The following GNAL variants were observed in gnomAD, a reference collection of about 807,000 sequenced individuals.
GNAL encodes the protein G protein subunit alpha L.
A neutral mutation model predicts 55.1 loss-of-function variants in GNAL; 18 were observed. The observed-to-expected ratio is 0.33, with a 90% CI of 0.23 to 0.48. GNAL has a LOEUF of 0.48. GNAL is among the 20% of genes least tolerant of loss of function. The probability of loss-of-function intolerance (pLI) is 0.99; values close to 1 mark genes in which losing one functional copy is unlikely to be tolerated. For synonymous variants in GNAL, 253 were observed against 237.0 expected (o/e 1.07, Z -0.62); for missense variants, 412 against 614.1 (o/e 0.67, Z 3.48).
At chr18:11,702,676 A>T (rs78968524) in intron 1 of GNAL, among the ~76,000 whole-genome samples, 1 of 152,150 alleles carries the variant, frequency 6.6e-6, no homozygotes, top group East Asian at 1.9e-4. Flanking sequence ...CCTGTGCGGG[A>T]GACAAAGGTA....
chr18:11,716,302 G>A (rs553157125), intron 1 of GNAL, among the ~76,000 whole-genome samples: 63 of 152,108 alleles, frequency 4.1e-4, no homozygotes, highest in African/African-American at 1.3e-3. Flanking sequence ...TCTGACGTTC[G>A]GATGTGTTCA....
rs146159444 is a variant in GNAL, at chr18:11,829,736, G to A, written c.722+4721G>A. ...TAAAGTCAGCGCTCAGTCAACGGGCGCAGTAGCTCACGCCTGTAATCCCAG... is the reference window on the plus strand; with the variant it reads ...TAAAGTCAGCGCTCAGTCAACGGGCACAGTAGCTCACGCCTGTAATCCCAG... On this transcript the variant is annotated intron_variant, in intron 5 of 11. Coordinates refer to ENST00000334049, the MANE Select transcript of GNAL (RefSeq NM_182978.4). Among the ~76,000 whole-genome samples, 21 of 152,322 alleles carry A rather than the reference G, an allele frequency of 1.4e-4. No individual in the cohort carries two copies. The East Asian group carries it at 3.3e-3, about 24-fold the overall frequency.
chr18:11,772,854 C>A (rs939890035), intron 4 of GNAL, among the ~76,000 whole-genome samples: 2 of 152,198 alleles, frequency 1.3e-5, no homozygotes, highest in Non-Finnish European at 2.9e-5. Context: ...CAGTTTCTTA[C>A]GGTTCAACCC....
chr18:11,854,948 G>A (rs564010493), intron 5 of GNAL, among the ~76,000 whole-genome samples: 7 of 152,130 alleles, frequency 4.6e-5, no homozygotes, highest in African/African-American at 9.6e-5. Context: ...GTTTTGAGAC[G>A]GAGTCTCACT....
intron 7 of GNAL, among the ~76,000 whole-genome samples, chr18:11,865,774 AAAGCATCC>A: frequency 6.8e-6 from 1 of 147,464 alleles, no homozygotes; most frequent in Non-Finnish European, 1.5e-5. Flanking sequence ...AAAAAAAAAA[AAAGCATCC>A]AAGCATCCCT....
Position 11,752,781 on chromosome 18 carries a change from G to T in GNAL, c.377-72G>T. Reference sequence around the variant, plus strand: ...CGTGCTGGGGGAGGAGGATTGCTCAGACCCGGCTAGTGGTGAGAGATGGCA... The same window carrying T: ...CGTGCTGGGGGAGGAGGATTGCTCATACCCGGCTAGTGGTGAGAGATGGCA... On this transcript the variant is annotated intron_variant, in intron 1 of 11. Transcript: ENST00000334049. The surrounding 1 kb of genome is among the most constrained non-coding windows in gnomAD (Gnocchi z 4.5). 1 of 1,226,422 alleles carries T rather than the reference G, an allele frequency of 8.2e-7. No individual in the cohort carries two copies. Among genetic ancestry groups the T allele is most frequent in the African/African-American group, 1.5e-5 (1 of 67,606 alleles). 76.0% of individuals were successfully genotyped at this position (1,226,422 alleles called of 1,614,324 possible).
At chr18:11,812,768 T>C (rs2034850282) in intron 4 of GNAL, among the ~76,000 whole-genome samples, 3 of 151,072 alleles carry the variant, frequency 2.0e-5, no homozygotes, top group Admixed American at 2.0e-4. Flanking sequence ...CACTTGAACC[T>C]GGGAGGCGGA....
rs1470788116 is a variant in GNAL, at chr18:11,769,103, A to G, written c.624+15158A>G. 9.4e-4 allele frequency among the ~76,000 whole-genome samples: 86 copies of G among 91,644 alleles called. 2 individuals carry two copies. The East Asian group carries it at 0.018, about 19-fold the overall frequency. The allele number at this position is 91,644 out of a possible 152,430, so 60.1% of individuals were successfully genotyped here. On this transcript the variant is annotated intron_variant, in intron 4 of 11. Transcript: ENST00000334049. ...ATAAATTATATGTAATATATATTAT[A>G]ATATAGATTATATAAATTATATGTA...
chr18:11,723,136 A>G (rs988241578), intron 1 of GNAL, among the ~76,000 whole-genome samples: 3 of 152,188 alleles, frequency 2.0e-5, no homozygotes, highest in African/African-American at 7.2e-5. Context: ...GTGAGCCAAG[A>G]TCGTGCCACT....
chr18:11,720,665 T>G (rs1184463013), intron 1 of GNAL, among the ~76,000 whole-genome samples: 1 of 152,262 alleles, frequency 6.6e-6, no homozygotes, highest in East Asian at 1.9e-4. Context: ...CACTTCCAAT[T>G]GAAGTTGAAG....
intron 4 of GNAL, among the ~76,000 whole-genome samples, chr18:11,810,216 G>A (rs1488542384): frequency 1.3e-5 from 2 of 152,174 alleles, no homozygotes; most frequent in Non-Finnish European, 2.9e-5. Context: ...AACATAGCGA[G>A]AACCTGTCTC....
At chr18:11,721,075 C>T (rs1421961989) in intron 1 of GNAL, among the ~76,000 whole-genome samples, 1 of 152,168 alleles carries the variant, frequency 6.6e-6, no homozygotes, top group Non-Finnish European at 1.5e-5. Flanking sequence ...AAGTGTTCAT[C>T]TCAGCTCTAA....
chr18:11,777,798 T>C (rs981649491), intron 4 of GNAL, among the ~76,000 whole-genome samples: 1 of 152,162 alleles, frequency 6.6e-6, no homozygotes, highest in Admixed American at 6.5e-5. Context: ...TCCTAAGAGC[T>C]GGAGACATAC....
At chr18:11,861,961 C>G (rs1290703955) in intron 5 of GNAL, among the ~76,000 whole-genome samples, 1 of 80,664 alleles carries the variant, frequency 1.2e-5, no homozygotes, top group African/African-American at 4.1e-5. Context: ...TTCACGCAGT[C>G]ATACACACAC....
chr18:11,762,486 A>C (rs2033275103), intron 4 of GNAL, among the ~76,000 whole-genome samples: 1 of 152,188 alleles, frequency 6.6e-6, no homozygotes, highest in East Asian at 1.9e-4. Flanking sequence ...GGCTACATTT[A>C]AGGAAGTTCT....
intron 4 of GNAL, among the ~76,000 whole-genome samples, chr18:11,814,936 G>C (rs1041127756): frequency 2.0e-5 from 3 of 151,728 alleles, no homozygotes; most frequent in Non-Finnish European, 2.9e-5. Flanking sequence ...TAGAAGTAGA[G>C]AGTAGAAGTG....
At chr18:11,859,142 A>C (rs1567896856) in intron 5 of GNAL, among the ~76,000 whole-genome samples, 1 of 152,200 alleles carries the variant, frequency 6.6e-6, no homozygotes, top group Non-Finnish European at 1.5e-5. Flanking sequence ...CTTCATATTT[A>C]ATTTTCAGTT....
At chr18:11,712,164 A>G (rs895919862) in intron 1 of GNAL, among the ~76,000 whole-genome samples, 1 of 152,200 alleles carries the variant, frequency 6.6e-6, no homozygotes, top group African/African-American at 2.4e-5. Flanking sequence ...AGCTTTCCTC[A>G]GGCATTTAAA....
chr18:11,795,299 G>A (rs961347329), intron 4 of GNAL, among the ~76,000 whole-genome samples: 5 of 151,626 alleles, frequency 3.3e-5, no homozygotes, highest in Admixed American at 1.3e-4. Flanking sequence ...TACTCAGGAG[G>A]CTGAGGCAGG....
Sources: allele counts gnomAD v4.1 joint callset (sites outside exome capture counted in the v4.1 genomes callset), GRCh38; gene constraint gnomAD v4.1.1; non-coding constraint Gnocchi (gnomAD v3.1); transcripts MANE v1.5; gene names NCBI Gene and HGNC (gene_info 2026-07-23, HGNC 2026-07-21).